The following SOX5 variants were observed in gnomAD, a reference collection of about 807,000 sequenced individuals.
SOX5 encodes transcription factor SOX-5.
Under a neutral mutation model 92.0 loss-of-function variants are expected in SOX5, and 9 were observed. That is an observed-to-expected ratio of 0.10 (90% CI 0.06 to 0.17). The LOEUF is 0.17. SOX5 is among the 10% of genes least tolerant of loss of function. The probability of loss-of-function intolerance (pLI) is 1.00; values close to 1 mark genes in which losing one functional copy is unlikely to be tolerated. For missense variants in SOX5, 642 were observed against 944.5 expected (o/e 0.68, Z 4.20); for synonymous variants, 344 against 336.3 (o/e 1.02, Z -0.25).
chr12:24,542,905 A>C (rs1952272201), intron 1 of SOX5, among the ~76,000 whole-genome samples: 1 of 152,234 alleles, frequency 6.6e-6, no homozygotes, highest in Non-Finnish European at 1.5e-5. Flanking sequence ...AGAAGCATTC[A>C]ATATATATTT....
chr12:24,346,158 A>G (rs1953209693), intron 2 of SOX5, among the ~76,000 whole-genome samples: 1 of 152,206 alleles, frequency 6.6e-6, no homozygotes. Flanking sequence ...AATGCGGGAA[A>G]ACGAACGTCA....
Position 23,649,939 on chromosome 12 carries a change from A to G in SOX5, c.932-9042T>C, listed in dbSNP as rs1057383678. On this transcript the variant is annotated intron_variant, in intron 7 of 14. Transcript: ENST00000451604. ...CTTTCATCTACTGAACTAATGCAAA[A>G]GTTTTGGACAGTTTTATGGCATTAT... Among the ~76,000 whole-genome samples the G allele has an allele frequency of 3.9e-5, 6 of 152,148 alleles. 1 individual carries two copies. Among genetic ancestry groups the G allele is most frequent in the Admixed American group, 3.9e-4 (6 of 15,268 alleles).
chr12:23,609,924 T>C (rs2075751842), intron 8 of SOX5, among the ~76,000 whole-genome samples: 1 of 152,198 alleles, frequency 6.6e-6, no homozygotes, highest in Admixed American at 6.5e-5. Context: ...ACCAAATCAC[T>C]GCTGGGCAGT....
At chr12:24,345,763 C>T (rs1017267379) in intron 2 of SOX5, among the ~76,000 whole-genome samples, 2 of 152,120 alleles carry the variant, frequency 1.3e-5, no homozygotes, top group Non-Finnish European at 2.9e-5. Flanking sequence ...AGTTAAAATT[C>T]TTAAGTTGCA....
chr12:23,629,001 C>T (rs977335888), intron 8 of SOX5, among the ~76,000 whole-genome samples: 1 of 151,948 alleles, frequency 6.6e-6, no homozygotes, highest in African/African-American at 2.4e-5. Context: ...TATCTTTCTT[C>T]TAAGAAGCAA....
intron 4 of SOX5, among the ~76,000 whole-genome samples, chr12:24,001,122 G>T (rs1448113444): frequency 6.6e-6 from 1 of 152,090 alleles, no homozygotes; most frequent in East Asian, 1.9e-4. Flanking sequence ...ACAGGGTCTT[G>T]CTCTGTCACC....
intron 1 of SOX5, among the ~76,000 whole-genome samples, chr12:24,397,071 G>C (rs1237294653): frequency 2.0e-5 from 3 of 152,116 alleles, no homozygotes; most frequent in African/African-American, 7.2e-5. Context: ...ATCGCATCCT[G>C]CTCACTTTTG....
intron 1 of SOX5, among the ~76,000 whole-genome samples, chr12:24,506,730 G>A (rs931043362): frequency 2.8e-5 from 4 of 145,296 alleles, no homozygotes; most frequent in African/African-American, 7.6e-5. Flanking sequence ...GAAAGAACTA[G>A]CATTTTCCCC....
rs1207554070 is a variant in SOX5 at position 23,775,600 on chromosome 12, A to C, written c.482-19876T>G. Among the ~76,000 whole-genome samples the C allele has an allele frequency of 2.0e-5, 3 of 152,216 alleles. No homozygotes were observed. The East Asian group carries it at 5.8e-4, about 29-fold the overall frequency. On this transcript the variant is annotated intron_variant, in intron 3 of 14. Coordinates refer to ENST00000451604, the MANE Select transcript of SOX5 (RefSeq NM_006940.6). ...ATTATTTGAACTTAGAATGTTATCC[A>C]AACTTCTTACCAAGGTCTACAGAGT...
intron 1 of SOX5, among the ~76,000 whole-genome samples, chr12:24,520,293 A>G (rs550755655): frequency 6.6e-6 from 1 of 152,218 alleles, no homozygotes; most frequent in Non-Finnish European, 1.5e-5. Flanking sequence ...CACTCTAAAG[A>G]TGGTGCACAA....
At chr12:24,453,158 A>T (rs1477135717) in intron 1 of SOX5, among the ~76,000 whole-genome samples, 1 of 152,180 alleles carries the variant, frequency 6.6e-6, no homozygotes, top group African/African-American at 2.4e-5. Context: ...TTGTGGTTAA[A>T]ACTACTGGTG....
intron 4 of SOX5, among the ~76,000 whole-genome samples, chr12:24,085,081 G>C (rs1176858165): frequency 1.7e-5 from 2 of 115,190 alleles, no homozygotes; most frequent in Non-Finnish European, 3.7e-5. Flanking sequence ...GAGGGCGCAT[G>C]TTCTTAGCAT....
At chr12:23,963,664 G>A (rs1947213833) in intron 4 of SOX5, among the ~76,000 whole-genome samples, 1 of 146,734 alleles carries the variant, frequency 6.8e-6, no homozygotes, top group Non-Finnish European at 1.5e-5. Context: ...CATGAATGAA[G>A]TACAAAAAAA....
chr12:23,961,876 C>T (rs953771594), intron 4 of SOX5, among the ~76,000 whole-genome samples: 5 of 152,126 alleles, frequency 3.3e-5, no homozygotes, highest in African/African-American at 7.2e-5. Context: ...CCACTTTCAA[C>T]ATTACATGTA....
At chr12:23,964,138 C>A (rs796722649) in intron 4 of SOX5, among the ~76,000 whole-genome samples, 25 of 152,086 alleles carry the variant, frequency 1.6e-4, no homozygotes, top group African/African-American at 6.0e-4. Context: ...CCAAAATAAT[C>A]CTAAATGGCT....
intron 2 of SOX5, among the ~76,000 whole-genome samples, chr12:24,309,774 A>G (rs1444126340): frequency 1.3e-5 from 2 of 152,216 alleles, no homozygotes; most frequent in African/African-American, 4.8e-5. Context: ...TGCAAACTGT[A>G]AAAACCGTGA....
intron 2 of SOX5, among the ~76,000 whole-genome samples, chr12:24,347,376 C>G (rs1025863194): frequency 6.6e-6 from 1 of 152,046 alleles, no homozygotes; most frequent in African/African-American, 2.4e-5. Context: ...CAAGGATAAC[C>G]AGGGATGACT....
chr12:24,137,609 C>T (rs184744702), intron 4 of SOX5, among the ~76,000 whole-genome samples: 31 of 152,044 alleles, frequency 2.0e-4, no homozygotes, highest in Admixed American at 1.2e-3. Flanking sequence ...TCCTGCCTGG[C>T]GACAGAGGGA....
chr12:24,457,562 T>C (rs2137429470), intron 1 of SOX5, among the ~76,000 whole-genome samples: 1 of 152,312 alleles, frequency 6.6e-6, no homozygotes, highest in South Asian at 2.1e-4. Flanking sequence ...TTGGATAATT[T>C]CCCTTTGGGG....
Sources: gnomAD v4.1 joint callset for allele counts (sites outside exome capture counted in the v4.1 genomes callset) on GRCh38, gnomAD v4.1.1 for gene constraint, MANE v1.5 for transcripts, NCBI Gene and HGNC (gene_info 2026-07-23, HGNC 2026-07-21) for gene names.